The following JARID2 variants were observed in gnomAD, a reference collection of about 807,000 sequenced individuals.
The protein encoded by JARID2 is jumonji and AT-rich interaction domain containing 2, also known as protein Jumonji.
JARID2 carries 21 observed loss-of-function variants against 125.6 expected under a neutral mutation model. That is an observed-to-expected ratio of 0.17 (90% CI 0.12 to 0.24). JARID2 has a LOEUF of 0.24. Among genes scored for constraint, JARID2 ranks in the 10% least tolerant of loss-of-function variants. JARID2 has a pLI of 1.00. For synonymous variants in JARID2, 736 were observed against 661.6 expected (o/e 1.11, Z -1.73); for missense variants, 1,303 against 1,639.6 (o/e 0.79, Z 3.55).
At position 15,401,154 on chromosome 6, in the gene JARID2, C is replaced by CTATATATATATATATA. The variant is rs140011539; in HGVS notation, c.182-9066_182-9051dup. The CTATATATATATATATA allele has an allele frequency of 9.1e-5, 67 of 732,402 alleles. No homozygotes were observed. In the African/African-American group the frequency reaches 1.2e-3, roughly 13 times the overall value. 45.4% of individuals were successfully genotyped at this position (732,402 alleles called of 1,614,324 possible). On this transcript the variant is annotated intron_variant, in intron 2 of 17. Coordinates refer to ENST00000341776, the MANE Select transcript of JARID2 (RefSeq NM_004973.4). ...TAAATCCATTGTGGATGGCAAGGTG[C>CTATATATATATATATA]TATATATATATATATATATGAGAGA...
At chr6:15,495,039 C>T (rs1051964418) in intron 6 of JARID2, among the ~76,000 whole-genome samples, 1 of 152,160 alleles carries the variant, frequency 6.6e-6, no homozygotes, top group African/African-American at 2.4e-5. Context: ...ACCCTGAAGT[C>T]CCTGACTTTA....
intron 3 of JARID2, among the ~76,000 whole-genome samples, chr6:15,437,226 G>T (rs1420267903): frequency 6.6e-6 from 1 of 152,146 alleles, no homozygotes; most frequent in African/African-American, 2.4e-5. Flanking sequence ...TGACTCCATG[G>T]TGTAGTCTAG....
chr6:15,421,324 T>A (rs1437850431), intron 3 of JARID2, among the ~76,000 whole-genome samples: 3 of 151,772 alleles, frequency 2.0e-5, no homozygotes, highest in Admixed American at 2.0e-4. Flanking sequence ...GTTCTTTGAA[T>A]GTTGAATGAG....
intron 5 of JARID2, among the ~76,000 whole-genome samples, chr6:15,477,442 C>T (rs1222516042): frequency 6.6e-6 from 1 of 150,760 alleles, no homozygotes. Flanking sequence ...TCTGGTAGCT[C>T]CATTTTTCCT....
intron 1 of JARID2, among the ~76,000 whole-genome samples, chr6:15,255,008 AAAAAC>A (rs575327473): frequency 1.4e-3 from 216 of 151,912 alleles, no homozygotes; most frequent in African/African-American, 4.7e-3. Flanking sequence ...TGTCTCCAAA[AAAAAC>A]AAAACAAAAA....
intron 7 of JARID2, among the ~76,000 whole-genome samples, chr6:15,497,852 G>C (rs1405664977): frequency 2.0e-5 from 3 of 152,040 alleles, no homozygotes; most frequent in African/African-American, 7.2e-5. Context: ...GGGGCCAGCA[G>C]GGTTGGTTTC....
At chr6:15,468,483 T>A in intron 4 of JARID2, 59 bp from the exon 5 acceptor site, 1 of 1,445,716 alleles carries the variant, frequency 6.9e-7, no homozygotes. Context: ...GTGGTGTTCC[T>A]TCTGGAAAGG....
chr6:15,331,166 CTACAAAAAAA>C (rs1315602101), intron 1 of JARID2, among the ~76,000 whole-genome samples: 1 of 151,816 alleles, frequency 6.6e-6, no homozygotes, highest in Non-Finnish European at 1.5e-5. Flanking sequence ...AATCCTGTCT[CTACAAAAAAA>C]TACAAAAATT....
At position 15,512,898 on chromosome 6, in the gene JARID2, T is replaced by A. The variant is rs1489423010; in HGVS notation, c.3136-17T>A. 6.2e-7 allele frequency: 1 copy of A among 1,612,728 alleles called. No homozygotes were observed. Among genetic ancestry groups the A allele is most frequent in the South Asian group, 1.1e-5 (1 of 90,994 alleles). On this transcript the variant is annotated splice_polypyrimidine_tract_variant and intron_variant, in intron 14 of 17. Transcript: ENST00000341776. ...GTAATGAAAATCCACCCTAAAGGGATGTGACTCCTCTTTCAGGAAATGAAG... is the reference window on the plus strand; with the variant it reads ...GTAATGAAAATCCACCCTAAAGGGAAGTGACTCCTCTTTCAGGAAATGAAG...
intron 1 of JARID2, among the ~76,000 whole-genome samples, chr6:15,300,720 T>TGAGAGAGA (rs1264622122): frequency 7.7e-5 from 10 of 130,100 alleles, no homozygotes; most frequent in African/African-American, 3.3e-4. Flanking sequence ...TGTGTGTGTG[T>TGAGAGAGA]GTGAGAGAGA....
chr6:15,281,281 C>T (rs1487266157), intron 1 of JARID2, among the ~76,000 whole-genome samples: 1 of 152,180 alleles, frequency 6.6e-6, no homozygotes, highest in Non-Finnish European at 1.5e-5. Context: ...TTGGATTTGA[C>T]CCACACTGGC....
chr6:15,369,555 T>C lies in JARID2; in HGVS notation c.46-4562T>C, dbSNP rs192839781. Among the ~76,000 whole-genome samples the C allele has an allele frequency of 2.4e-3, 366 of 152,296 alleles. 1 individual carries two copies. Among genetic ancestry groups the C allele is most frequent in the African/African-American group, 8.0e-3 (331 of 41,558 alleles). On this transcript the variant is annotated intron_variant, in intron 1 of 17. Transcript: ENST00000341776. ...AGAAGAGGTCTGCACTGTCAAACCC[T>C]GACTGATTCTACCAAGGGGCCTGAA...
At chr6:15,452,623 C>T (rs146402862) in intron 4 of JARID2, among the ~76,000 whole-genome samples, 1 of 152,158 alleles carries the variant, frequency 6.6e-6, no homozygotes, top group Non-Finnish European at 1.5e-5. Flanking sequence ...ACGGTTCTCT[C>T]AGCCCTATAT....
chr6:15,348,909 C>T (rs907742564), intron 1 of JARID2, among the ~76,000 whole-genome samples: 6 of 152,188 alleles, frequency 3.9e-5, no homozygotes, highest in Non-Finnish European at 7.3e-5. Context: ...GAAATACTTA[C>T]TTCAGTAGCA....
chr6:15,332,395 A>G (rs1011118966), intron 1 of JARID2, among the ~76,000 whole-genome samples: 16 of 152,222 alleles, frequency 1.1e-4, no homozygotes. Context: ...CAGTGTTAAC[A>G]CCAAATCTTA....
chr6:15,313,055 G>A (rs1323066563), intron 1 of JARID2, among the ~76,000 whole-genome samples: 2 of 152,152 alleles, frequency 1.3e-5, no homozygotes, highest in African/African-American at 4.8e-5. Flanking sequence ...GGAGTTTTCC[G>A]TTTATGTTGC....
At chr6:15,398,467 G>T (rs951926408) in intron 2 of JARID2, among the ~76,000 whole-genome samples, 1 of 152,344 alleles carries the variant, frequency 6.6e-6, no homozygotes, top group Admixed American at 6.5e-5. Flanking sequence ...TGGTCTTCCA[G>T]AGGATGCTGT....
Position 15,521,071 on chromosome 6 carries a change from T to TA in JARID2, c.*840dup, listed in dbSNP as rs34405141. The TA allele has an allele frequency of 0.026, 3,005 of 115,918 alleles. 68 individuals carry two copies. The highest frequency in any genetic ancestry group is 0.047 in the Admixed American group (496 of 10,602). The allele number at this position is 115,918 out of a possible 1,614,324, so 7.2% of individuals were successfully genotyped here. On this transcript the variant is annotated 3_prime_UTR_variant, in exon 18 of 18. Transcript: ENST00000341776. Reference sequence around the variant, plus strand: ...ACCCTTCAATAGCATCCTTAAGATTTAAAAAAAAAAAAAAAAAAAAGGAAA... The same window carrying TA: ...ACCCTTCAATAGCATCCTTAAGATTTAAAAAAAAAAAAAAAAAAAAAGGAAA...
intron 2 of JARID2, among the ~76,000 whole-genome samples, chr6:15,398,927 T>G (rs888003731): frequency 3.3e-5 from 5 of 152,336 alleles, no homozygotes; most frequent in Admixed American, 2.0e-4. Context: ...TTGCTGAGAA[T>G]TAGCATAATC....
Sources: allele counts gnomAD v4.1 joint callset (sites outside exome capture counted in the v4.1 genomes callset), GRCh38; gene constraint gnomAD v4.1.1; transcripts MANE v1.5; gene names NCBI Gene and HGNC (gene_info 2026-07-23, HGNC 2026-07-21).